Variants in PFKM observed in about 807,000 individuals in gnomAD.
The protein encoded by PFKM is ATP-dependent 6-phosphofructokinase, muscle type.
PFKM carries 58 observed loss-of-function variants against 95.5 expected under a neutral mutation model. The observed-to-expected ratio is 0.61, with a 90% CI of 0.49 to 0.76. The LOEUF (loss-of-function observed/expected upper bound fraction) is 0.76, where lower values mean the gene tolerates loss of function less well. PFKM is among the 30% of genes least tolerant of loss of function. The pLI is 0.00. For missense variants in PFKM, 678 were observed against 1,005.4 expected (o/e 0.67, Z 4.40); for synonymous variants, 336 against 357.2 (o/e 0.94, Z 0.67).
At chr12:48,139,263 T>G (rs1215508684) in intron 11 of PFKM, 22 bp from the exon 12 acceptor site, 1 of 1,604,510 alleles carries the variant, frequency 6.2e-7, no homozygotes, top group African/African-American at 1.3e-5. Context: ...GAGTTGAAAC[T>G]GTCGCTGTGC....
chr12:48,105,473 A>G (rs373825605), upstream of PFKM: 2 of 519,006 alleles, frequency 3.9e-6, no homozygotes, highest in Non-Finnish European at 7.7e-6. Flanking sequence ...AGGAGGGTCC[A>G]GACGTTTCTT....
chr12:48,132,917 A>G lies in PFKM; in HGVS notation c.287A>G (p.Glu96Gly). The change falls in exon 5 of 23, where the codon GAA (glutamate) becomes GGA (glycine). Residue 96 changes from glutamate to glycine, a missense_variant. Physicochemically the swap from Glu to Gly is moderately conservative, Grantham distance 98. Coordinates refer to ENST00000359794, the MANE Select transcript of PFKM (RefSeq NM_000289.6). ...SARCKDFRER[E>G]GRLRAAYNLV... is the part of the protein sequence containing the mutation. ...CGGTGCAAGGACTTTCGGGAACGAG[A>G]AGGACGACTCCGAGCTGCCTACAAC... 1 of 1,614,148 alleles carries G rather than the reference A, an allele frequency of 6.2e-7. No individual in the cohort carries two copies. Among genetic ancestry groups the G allele is most frequent in the Non-Finnish European group, 8.5e-7 (1 of 1,180,034 alleles).
At chr12:48,113,096 A>G (rs1947351668) in intron 3 of PFKM, among the ~76,000 whole-genome samples, 1 of 152,204 alleles carries the variant, frequency 6.6e-6, no homozygotes, top group African/African-American at 2.4e-5. Context: ...TTTAGTTAAA[A>G]TGCCTTGACC....
At chr12:48,130,528 C>G (rs1949370267) in intron 3 of PFKM, 92 bp downstream of exon 3, 1 of 938,104 alleles carries the variant, frequency 1.1e-6, no homozygotes, top group South Asian at 1.3e-5. Context: ...TCCTTACCTC[C>G]CAGTTAGTTA....
intron 1 of PFKM, chr12:48,122,498 C>T: frequency 4.8e-6 from 5 of 1,048,580 alleles, no homozygotes; most frequent in Non-Finnish European, 6.2e-6. Context: ...GTTTATTCCC[C>T]AAATAGGTTC....
intron 10 of PFKM, 23 bp from the exon 11 acceptor site, chr12:48,137,698 C>T (rs775766103): frequency 6.2e-7 from 1 of 1,614,092 alleles, no homozygotes; most frequent in East Asian, 2.2e-5. Context: ...GCCAGACTGT[C>T]TTTGTTCTCT....
chr12:48,105,415 G>C, upstream of PFKM: 2 of 519,038 alleles, frequency 3.9e-6, no homozygotes, highest in Non-Finnish European at 7.7e-6. Flanking sequence ...GAGGCGATGA[G>C]CCAGGTAAGC....
At chr12:48,130,539 C>A in intron 3 of PFKM, 103 bp downstream of exon 3, 1 of 887,028 alleles carries the variant, frequency 1.1e-6, no homozygotes, top group East Asian at 2.4e-5. Context: ...CAGTTAGTTA[C>A]ATTGCTGTGT....
At chr12:48,139,412 C>A in intron 12 of PFKM, 63 bp downstream of exon 12, 1 of 1,252,556 alleles carries the variant, frequency 8.0e-7, no homozygotes, top group Non-Finnish European at 1.2e-6. Flanking sequence ...AGCCAAAGAT[C>A]TCCATGGCTC....
exon 1 of PFKM, chr12:48,105,977 A>C (rs1029937235): frequency 1.9e-5 from 13 of 699,746 alleles, no homozygotes; most frequent in Non-Finnish European, 2.9e-5. Flanking sequence ...AGTCTCCTGG[A>C]CCAGGCTCCC....
At chr12:48,135,239 C>T in intron 9 of PFKM, 52 bp from the exon 10 acceptor site, 2 of 1,476,208 alleles carry the variant, frequency 1.4e-6, no homozygotes, top group Non-Finnish European at 1.9e-6. Flanking sequence ...TGCTTGTTTT[C>T]TTCCTTTGAC....
intron 1 of PFKM, chr12:48,120,049 GA>G (rs1357818199): frequency 6.6e-6 from 1 of 152,012 alleles, no homozygotes; most frequent in East Asian, 1.9e-4. Context: ...TGAATGAGAA[GA>G]AAAAACGGGA....
chr12:48,114,140 A>C (rs940074197), intron 3 of PFKM, among the ~76,000 whole-genome samples: 3 of 152,166 alleles, frequency 2.0e-5, no homozygotes, highest in African/African-American at 7.2e-5. Context: ...TGGTTCATGA[A>C]GCCAGCAGTT....
At chr12:48,109,204 A>G (rs1037192275) in intron 3 of PFKM, among the ~76,000 whole-genome samples, 1 of 152,230 alleles carries the variant, frequency 6.6e-6, no homozygotes, top group Non-Finnish European at 1.5e-5. Context: ...ATAAGATGCC[A>G]TAGAAATGTA....
rs57931354 is a variant in PFKM, at chr12:48,106,722, A to ACAAG, written c.-10+589_-10+592dup. 7.2e-3 allele frequency among the ~76,000 whole-genome samples: 1,096 copies of ACAAG among 151,460 alleles called. 18 individuals are homozygous for ACAAG. Among genetic ancestry groups the ACAAG allele is most frequent in the African/African-American group, 0.025 (1,043 of 41,110 alleles). ...ATTCAGCAAGCAAACAAACAAACAA[A>ACAAG]CAAGCAACTTGAGGACGGATTAGGC... On this transcript the variant is annotated intron_variant, in intron 1 of 24. Coordinates refer to the PFKM transcript ENST00000340802.
chr12:48,106,056 G>A lies in PFKM; in HGVS notation c.-91G>A, dbSNP rs1374862230. 5 of 702,394 alleles carry A rather than the reference G, an allele frequency of 7.1e-6. No individual in the cohort carries two copies. The South Asian group carries it at 7.4e-5, about 10-fold the overall frequency. 43.5% of individuals were successfully genotyped at this position (702,394 alleles called of 1,614,324 possible). A position where few individuals can be genotyped will look rare whatever the true frequency, so the allele number is the denominator to read the frequency against. ...ACCGGAACCGGCTGCCATGCGAAGG[G>A]GTTTCCGGCCGGGCGCGGAACGCAA... On this transcript the variant is annotated 5_prime_UTR_variant, in exon 1 of 25. Coordinates refer to the PFKM transcript ENST00000340802.
chr12:48,133,450 T>C lies in PFKM; in HGVS notation c.563T>C (p.Ile188Thr). 1 of 1,614,078 alleles carries C rather than the reference T, an allele frequency of 6.2e-7. No homozygotes were observed. The highest frequency in any genetic ancestry group is 1.6e-4 in the Middle Eastern group (1 of 6,062). Residue 188 changes from isoleucine (I) to threonine (T), a missense_variant, in exon 6 of 23, where the codon ATT becomes ACT. Coordinates refer to ENST00000359794, the MANE Select transcript of PFKM (RefSeq NM_000289.6). Reference protein sequence around the residue: ...TDSALHRIMEIVDAITTTAQS... With the variant: ...TDSALHRIMETVDAITTTAQS... ...TCTGCCCTGCATCGGATCATGGAAA[T>C]TGTAGATGCCATCACTACCACTGCC... is the stretch of plus-strand genomic sequence containing the variant.
At chr12:48,136,582 T>G (rs1411031754) in intron 10 of PFKM, among the ~76,000 whole-genome samples, 1 of 152,080 alleles carries the variant, frequency 6.6e-6, no homozygotes, top group African/African-American at 2.4e-5. Flanking sequence ...TTAAAAAAAT[T>G]TTTTTTCAAA....
chr12:48,135,304 G>T lies in PFKM; in HGVS notation c.857G>T (p.Arg286Leu), dbSNP rs768496070. The T allele has an allele frequency of 1.9e-6, 3 of 1,613,960 alleles. No individual in the cohort carries two copies. Among genetic ancestry groups the T allele is most frequent in the Non-Finnish European group, 2.5e-6 (3 of 1,179,860 alleles). ...SEDIKNLVVK[R>L]LGYDTRVTVL... ...TGGTCCCTTCAGCTGGTGGTTAAGC[G>T]TCTGGGATATGACACCCGGGTTACT... The change falls in exon 10 of 23, where the codon CGT (arginine) becomes CTT (leucine). Residue 286 changes from arginine (R) to leucine (L), a missense_variant. Physicochemically the swap from Arg to Leu is moderately radical, Grantham distance 102. Coordinates refer to ENST00000359794, the MANE Select transcript of PFKM (RefSeq NM_000289.6).
Sources: allele counts gnomAD v4.1 joint callset (sites outside exome capture counted in the v4.1 genomes callset), GRCh38; gene constraint gnomAD v4.1.1; transcripts MANE v1.5; gene names NCBI Gene and HGNC (gene_info 2026-07-23, HGNC 2026-07-21).